CTDSPL: variants seen among roughly 807,000 people sequenced by gnomAD.
CTDSPL encodes the protein CTD small phosphatase-like protein.
Under a neutral mutation model 30.5 loss-of-function variants are expected in CTDSPL, and 8 were observed. That is an observed-to-expected ratio of 0.26 (90% confidence interval 0.15 to 0.47). The LOEUF (loss-of-function observed/expected upper bound fraction) is 0.47. Among genes scored for constraint, CTDSPL ranks in the 20% least tolerant of loss-of-function variants. The pLI, the probability that CTDSPL is intolerant of heterozygous loss-of-function variation, is 0.99. For synonymous variants in CTDSPL, 110 were observed against 137.9 expected (o/e 0.80, Z 1.42); for missense variants, 248 against 366.1 (o/e 0.68, Z 2.63).
chr3:37,980,077 C>T (rs1017744010), intron 7 of CTDSPL, among the ~76,000 whole-genome samples: 1 of 152,160 alleles, frequency 6.6e-6, no homozygotes, highest in Non-Finnish European at 1.5e-5. Context: ...TAAAATGTTA[C>T]TTTTAAACAT....
At chr3:37,907,001 G>A (rs1698523439) in intron 1 of CTDSPL, among the ~76,000 whole-genome samples, 1 of 152,162 alleles carries the variant, frequency 6.6e-6, no homozygotes, top group Non-Finnish European at 1.5e-5. Context: ...TTTTATTGTG[G>A]TAGGGGTCAC....
At chr3:37,907,254 G>A (rs1698529466) in intron 1 of CTDSPL, among the ~76,000 whole-genome samples, 1 of 152,190 alleles carries the variant, frequency 6.6e-6, no homozygotes, top group Non-Finnish European at 1.5e-5. Context: ...GTCTTAGGTG[G>A]CCATTTATGG....
chr3:37,877,627 C>A (rs973700521), intron 1 of CTDSPL, among the ~76,000 whole-genome samples: 3 of 151,356 alleles, frequency 2.0e-5, no homozygotes, highest in African/African-American at 7.3e-5. Context: ...TGGATATGGT[C>A]ATTCTATTTG....
At chr3:37,961,234 T>G (rs1056272164) in intron 3 of CTDSPL, among the ~76,000 whole-genome samples, 3 of 152,206 alleles carry the variant, frequency 2.0e-5, no homozygotes, top group African/African-American at 7.2e-5. Context: ...TTACCATTAG[T>G]ATCGTTCATC....
At chr3:37,966,255 C>A (rs1210351305) in intron 4 of CTDSPL, among the ~76,000 whole-genome samples, 1 of 152,216 alleles carries the variant, frequency 6.6e-6, no homozygotes, top group Admixed American at 6.5e-5. Flanking sequence ...CCCTGGCCTG[C>A]CTACATTTGC....
At chr3:37,888,410 C>T (rs933200844) in intron 1 of CTDSPL, among the ~76,000 whole-genome samples, 13 of 152,176 alleles carry the variant, frequency 8.5e-5, no homozygotes, top group Non-Finnish European at 1.5e-4. Flanking sequence ...TCCTGTATCA[C>T]GTTGCCAAGT....
chr3:37,937,561 C>T (rs969102388), intron 1 of CTDSPL, among the ~76,000 whole-genome samples: 1 of 150,466 alleles, frequency 6.6e-6, no homozygotes, highest in African/African-American at 2.4e-5. Context: ...TTTTCAACCT[C>T]CAGAATTGTG....
At chr3:37,978,670 G>C (rs941790320) in intron 7 of CTDSPL, among the ~76,000 whole-genome samples, 1 of 152,126 alleles carries the variant, frequency 6.6e-6, no homozygotes, top group Admixed American at 6.6e-5. Flanking sequence ...TCAGATTAGG[G>C]ATGCTCAACC....
At chr3:37,880,279 G>A (rs556773071) in intron 1 of CTDSPL, among the ~76,000 whole-genome samples, 11 of 152,058 alleles carry the variant, frequency 7.2e-5, no homozygotes, top group South Asian at 2.1e-4. Flanking sequence ...AAATAGTAGC[G>A]CCAGGAGGCA....
Position 37,964,623 on chromosome 3 carries a change from A to G in CTDSPL, c.320A>G (p.Lys107Arg). ...PEVTVLDYGK[K>R]CVVIDLDETL... The stretch of plus-strand genomic sequence containing the variant: ...GTGACGGTGCTTGACTATGGAAAGA[A>G]ATGTGTGGTCATTGATTTAGATGAA... Residue 107 changes from lysine (K) to arginine (R), a missense_variant, in exon 4 of 8, where the codon AAA becomes AGA. Lys to Arg is a conservative substitution (Grantham distance 26, BLOSUM62 2). This residue lies in a region of CTDSPL where 45 missense variants were observed against 83.1 expected (regional missense o/e 0.54). Coordinates refer to ENST00000273179, the MANE Select transcript of CTDSPL (RefSeq NM_001008392.2). The G allele has an allele frequency of 6.2e-7, 1 of 1,614,108 alleles. No individual in the cohort carries two copies. The highest frequency in any genetic ancestry group is 8.5e-7 in the Non-Finnish European group (1 of 1,179,968).
chr3:37,913,124 CA>C (rs1698602169), intron 1 of CTDSPL, among the ~76,000 whole-genome samples: 1 of 152,018 alleles, frequency 6.6e-6, no homozygotes, highest in African/African-American at 2.4e-5. Context: ...AGTTTGAGAC[CA>C]GCCTGGGCAA....
At chr3:37,883,014 A>T (rs1698225077) in intron 1 of CTDSPL, among the ~76,000 whole-genome samples, 1 of 152,240 alleles carries the variant, frequency 6.6e-6, no homozygotes, top group Non-Finnish European at 1.5e-5. Context: ...GTGTAGCCAG[A>T]TAGTATGGGT....
chr3:37,960,321 A>G (rs1699221699), intron 3 of CTDSPL, among the ~76,000 whole-genome samples: 2 of 151,482 alleles, frequency 1.3e-5, no homozygotes, highest in Admixed American at 1.3e-4. Flanking sequence ...TTTCTACTAA[A>G]AATACAAAAT....
rs915536719 is a variant in CTDSPL, at chr3:37,940,086, C to A, written c.80-6971C>A. Among the ~76,000 whole-genome samples, 2 of 149,490 alleles carry A rather than the reference C, an allele frequency of 1.3e-5. 1 individual carries two copies. Among genetic ancestry groups the A allele is most frequent in the South Asian group, 4.3e-4 (2 of 4,612 alleles). On this transcript the variant is annotated intron_variant, in intron 1 of 7. Coordinates refer to ENST00000273179, the MANE Select transcript of CTDSPL (RefSeq NM_001008392.2). ...TAGCCTGGGTGACAGAGCAAGACTC[C>A]GTCTCAAAAAAAAAAGCTATTTCTA... is the stretch of plus-strand genomic sequence containing the variant.
At chr3:37,957,175 A>T in intron 3 of CTDSPL, 32 bp downstream of exon 3, 10 of 1,478,060 alleles carry the variant, frequency 6.8e-6, no homozygotes, top group Non-Finnish European at 9.3e-6. Flanking sequence ...TATTTATTAA[A>T]ACAGTCATAA....
chr3:37,916,005 ACGAGT>A (rs1256909389), intron 1 of CTDSPL, among the ~76,000 whole-genome samples: 1 of 152,226 alleles, frequency 6.6e-6, no homozygotes. Flanking sequence ...GCCTCTGAGA[ACGAGT>A]CCACTTCTTG....
At chr3:37,969,004 C>T (rs1049741324) in intron 5 of CTDSPL, among the ~76,000 whole-genome samples, 1 of 152,220 alleles carries the variant, frequency 6.6e-6, no homozygotes, top group African/African-American at 2.4e-5. Flanking sequence ...AGTGTTTCCA[C>T]ACTTCATGCT....
In CTDSPL at chr3:37,862,326, C is replaced by A; in HGVS notation, c.79+48C>A. The A allele has an allele frequency of 2.1e-6, 3 of 1,413,276 alleles. No homozygotes were observed. Among genetic ancestry groups the A allele is most frequent in the South Asian group, 2.9e-5 (2 of 68,810 alleles). 87.5% of individuals were successfully genotyped at this position (1,413,276 alleles called of 1,614,324 possible). ...GCGGGCTGGGGGCGAGCGCACACCC[C>A]GCGCCGCTGGAGTTCACTGCCGGGC... is the stretch of plus-strand genomic sequence containing the variant. On this transcript the variant is annotated intron_variant, in intron 1 of 7. Transcript: ENST00000273179. The surrounding 1 kb of genome is among the most constrained non-coding windows in gnomAD (Gnocchi z 4.3).
chr3:37,967,986 CG>C, intron 5 of CTDSPL, 104 bp downstream of exon 5: 1 of 804,586 alleles, frequency 1.2e-6, no homozygotes, highest in Non-Finnish European at 2.0e-6. Context: ...AACTTTATTA[CG>C]GAATCAAAAG....
Sources: allele counts gnomAD v4.1 joint callset (sites outside exome capture counted in the v4.1 genomes callset), GRCh38; gene constraint gnomAD v4.1.1; regional missense constraint gnomAD v4.1.1; non-coding constraint Gnocchi (gnomAD v3.1); transcripts MANE v1.5; gene names NCBI Gene and HGNC (gene_info 2026-07-23, HGNC 2026-07-21).